GAS2: variants seen among roughly 807,000 people sequenced by gnomAD.
The protein encoded by GAS2 is growth arrest-specific protein 2.
A neutral mutation model predicts 37.5 loss-of-function variants in GAS2; 20 were observed. The observed-to-expected ratio is 0.53, with a 90% CI of 0.37 to 0.77. The LOEUF (loss-of-function observed/expected upper bound fraction) is 0.77. Ranked by LOEUF, GAS2 falls within the 30% of genes least tolerant of loss-of-function variation. The pLI is 0.00. For missense variants in GAS2, 336 were observed against 373.4 expected, an observed-to-expected ratio of 0.90 and a Z score of 0.82; for synonymous variants, 144 against 132.2, an observed-to-expected ratio of 1.09 and a Z score of -0.61.
intron 1 of GAS2, among the ~76,000 whole-genome samples, chr11:22,652,895 G>A (rs180975569): frequency 1.6e-4 from 24 of 152,278 alleles, no homozygotes; most frequent in African/African-American, 5.3e-4. Flanking sequence ...CGTCGCTCAC[G>A]CTGGGAGCTG....
chr11:22,711,495 C>T (rs1051591615), intron 3 of GAS2, among the ~76,000 whole-genome samples: 15 of 152,100 alleles, frequency 9.9e-5, no homozygotes, highest in Admixed American at 5.2e-4. Context: ...CAGGGGGAGA[C>T]GGGGAAAACA....
At chr11:22,760,026 C>G (rs574547295) in intron 7 of GAS2, among the ~76,000 whole-genome samples, 8 of 152,128 alleles carry the variant, frequency 5.3e-5, no homozygotes, top group African/African-American at 1.9e-4. Context: ...TGCAGTGCTG[C>G]GGCTCACTGC....
intron 7 of GAS2, among the ~76,000 whole-genome samples, chr11:22,787,288 T>C (rs1236937440): frequency 6.6e-6 from 1 of 152,126 alleles, no homozygotes; most frequent in African/African-American, 2.4e-5. Context: ...GCAATTAAAC[T>C]GCAAAGGGAG....
chr11:22,645,035 C>T (rs936725010), intron 1 of GAS2, among the ~76,000 whole-genome samples: 3 of 152,138 alleles, frequency 2.0e-5, no homozygotes, highest in East Asian at 3.8e-4. Flanking sequence ...AAGTACACAA[C>T]GGAGCAATAT....
chr11:22,644,918 C>CGTA (rs1848671942), intron 1 of GAS2, among the ~76,000 whole-genome samples: 2 of 152,322 alleles, frequency 1.3e-5, no homozygotes, highest in East Asian at 3.9e-4. Flanking sequence ...GCCACCACTA[C>CGTA]CGGCCGCCTA....
chr11:22,676,240 G>T (rs1849421756), intron 2 of GAS2, among the ~76,000 whole-genome samples: 6 of 152,150 alleles, frequency 3.9e-5, no homozygotes, highest in Admixed American at 2.6e-4. Context: ...ACACCTTTCA[G>T]TAATTGATTC....
chr11:22,696,556 C>T (rs1025114649), intron 3 of GAS2, among the ~76,000 whole-genome samples: 3 of 152,072 alleles, frequency 2.0e-5, no homozygotes, highest in African/African-American at 7.2e-5. Context: ...TACAGTCCCA[C>T]CAACAGTGTA....
At chr11:22,717,741 C>T (rs1046797910) in intron 3 of GAS2, among the ~76,000 whole-genome samples, 12 of 150,642 alleles carry the variant, frequency 8.0e-5, no homozygotes, top group African/African-American at 2.4e-4. Flanking sequence ...GGACTAATAT[C>T]CAGAATCTAC....
intron 7 of GAS2, among the ~76,000 whole-genome samples, chr11:22,799,237 G>A (rs1023461127): frequency 6.6e-6 from 1 of 151,990 alleles, no homozygotes; most frequent in Non-Finnish European, 1.5e-5. Flanking sequence ...TCCATTAAGT[G>A]GGGAATCATT....
intron 3 of GAS2, among the ~76,000 whole-genome samples, chr11:22,716,254 C>T (rs970253223): frequency 6.6e-6 from 1 of 152,132 alleles, no homozygotes; most frequent in African/African-American, 2.4e-5. Context: ...AACATTTCCT[C>T]TGAGAACTGG....
intron 7 of GAS2, among the ~76,000 whole-genome samples, chr11:22,800,276 A>G (rs1018517760): frequency 6.6e-6 from 1 of 152,068 alleles, no homozygotes; most frequent in African/African-American, 2.4e-5. Flanking sequence ...AATTTTCCAC[A>G]TTATGTATGC....
chr11:22,743,674 A>G (rs1020394175), intron 5 of GAS2, among the ~76,000 whole-genome samples: 3 of 152,078 alleles, frequency 2.0e-5, no homozygotes, highest in African/African-American at 7.2e-5. Flanking sequence ...TACTTTTCTG[A>G]TGGAAAATAG....
chr11:22,685,294 G>A (rs1442288066), intron 2 of GAS2, among the ~76,000 whole-genome samples: 1 of 152,178 alleles, frequency 6.6e-6, no homozygotes, highest in Non-Finnish European at 1.5e-5. Context: ...GGATGAGAAT[G>A]GAATGATTAA....
At chr11:22,762,950 C>T (rs997934511) in intron 7 of GAS2, among the ~76,000 whole-genome samples, 1 of 152,064 alleles carries the variant, frequency 6.6e-6, no homozygotes, top group Non-Finnish European at 1.5e-5. Context: ...ACTGGTATTA[C>T]GTCAAGACAT....
chr11:22,630,707 G>T (rs1483015068), intron 1 of GAS2, among the ~76,000 whole-genome samples: 2 of 152,128 alleles, frequency 1.3e-5, no homozygotes, highest in African/African-American at 2.4e-5. Context: ...TCTTCCATTG[G>T]TCTATATATC....
intron 3 of GAS2, among the ~76,000 whole-genome samples, chr11:22,715,910 C>G (rs1415216779): frequency 1.3e-5 from 2 of 152,040 alleles, no homozygotes; most frequent in Non-Finnish European, 2.9e-5. Flanking sequence ...AAACTACAAA[C>G]CAATATCCCT....
At chr11:22,729,435 G>A (rs1852369894) in intron 4 of GAS2, among the ~76,000 whole-genome samples, 1 of 151,804 alleles carries the variant, frequency 6.6e-6, no homozygotes. Context: ...AATTCCATAT[G>A]TTTATGTCAT....
intron 1 of GAS2, among the ~76,000 whole-genome samples, chr11:22,628,598 A>T (rs1858696368): frequency 6.6e-6 from 1 of 152,064 alleles, no homozygotes; most frequent in Non-Finnish European, 1.5e-5. Context: ...GTAGCTCATA[A>T]AACTTTCTTG....
At chr11:22,738,342 G>T (rs899620575) in intron 5 of GAS2, among the ~76,000 whole-genome samples, 2 of 152,106 alleles carry the variant, frequency 1.3e-5, no homozygotes, top group Admixed American at 6.6e-5. Flanking sequence ...GGAAAAACAA[G>T]AATTAATTTC....
Sources: gnomAD v4.1 joint callset for allele counts (sites outside exome capture counted in the v4.1 genomes callset) on GRCh38, gnomAD v4.1.1 for gene constraint, MANE v1.5 for transcripts, NCBI Gene and HGNC (gene_info 2026-07-23, HGNC 2026-07-21) for gene names.